GLIS1: variants seen among roughly 807,000 people sequenced by gnomAD.
The protein encoded by GLIS1 is zinc finger protein GLIS1.
GLIS1 carries 24 observed loss-of-function variants against 63.8 expected under a neutral mutation model. That is an observed-to-expected ratio of 0.38 (90% CI 0.27 to 0.53). The LOEUF is 0.53. GLIS1 is among the 20% of genes least tolerant of loss of function. The pLI is 0.85. For missense variants in GLIS1, 1,036 were observed against 1,074.1 expected (o/e 0.96, Z 0.50); for synonymous variants, 450 against 482.5 (o/e 0.93, Z 0.88).
intron 2 of GLIS1, among the ~76,000 whole-genome samples, chr1:53,672,308 C>T (rs923183558): frequency 4.6e-5 from 7 of 152,306 alleles, no homozygotes; most frequent in African/African-American, 1.7e-4. Context: ...CAAGTCAGTC[C>T]ACCTCCACAA....
intron 2 of GLIS1, among the ~76,000 whole-genome samples, chr1:53,640,479 G>A (rs1031672089): frequency 1.3e-5 from 2 of 152,156 alleles, no homozygotes; most frequent in African/African-American, 2.4e-5. Flanking sequence ...ACAGCTGGGG[G>A]CTGGACAGTT....
intron 2 of GLIS1, among the ~76,000 whole-genome samples, chr1:53,691,080 G>C (rs745925000): frequency 9.9e-5 from 15 of 152,266 alleles, no homozygotes; most frequent in South Asian, 6.2e-4. Flanking sequence ...GAGAGACCAG[G>C]CGCCGTGGCT....
At position 53,522,986 on chromosome 1, in the gene GLIS1, C is replaced by CTTTTTCTTTTTTTTTT. The variant is rs760283252; in HGVS notation, c.1593+1790_1593+1791insAAAAAAAAAAGAAAAA. Reference sequence around the variant, plus strand: ...AGTTTCTTTTTCTTTTCTTTTCTTTCTTTTTTTTTTTTTTTTTTTGAGACA... The same window carrying CTTTTTCTTTTTTTTTT: ...AGTTTCTTTTTCTTTTCTTTTCTTTCTTTTTCTTTTTTTTTTTTTTTTTTTTTTTTTTTTTGAGACA... On this transcript the variant is annotated intron_variant, in intron 6 of 10. Transcript: ENST00000628545. 3.4e-4 allele frequency among the ~76,000 whole-genome samples: 15 copies of CTTTTTCTTTTTTTTTT among 43,690 alleles called. 1 individual carries two copies. Among genetic ancestry groups the CTTTTTCTTTTTTTTTT allele is most frequent in the African/African-American group, 6.6e-4 (15 of 22,668 alleles). 28.7% of individuals were successfully genotyped at this position (43,690 alleles called of 152,430 possible).
chr1:53,549,047 T>C lies in GLIS1; in HGVS notation c.1321-19095A>G, dbSNP rs182029860. On this transcript the variant is annotated intron_variant, in intron 4 of 10. Transcript: ENST00000628545. Reference sequence around the variant, plus strand: ...GTTGAATCATGCAATCTGTGGTCTTTAGTGACTGGCTTCTTTCACTAGCGT... The same window carrying C: ...GTTGAATCATGCAATCTGTGGTCTTCAGTGACTGGCTTCTTTCACTAGCGT... 3.9e-5 allele frequency among the ~76,000 whole-genome samples: 6 copies of C among 152,396 alleles called. No homozygotes were observed. The East Asian group carries it at 7.7e-4, about 20-fold the overall frequency.
intron 4 of GLIS1, among the ~76,000 whole-genome samples, chr1:53,538,484 T>C (rs926923447): frequency 6.6e-6 from 1 of 152,132 alleles, no homozygotes; most frequent in Non-Finnish European, 1.5e-5. Flanking sequence ...CGCTCACTCA[T>C]GGGATGGAGC....
intron 4 of GLIS1, among the ~76,000 whole-genome samples, chr1:53,561,634 G>C (rs1045466503): frequency 6.6e-6 from 1 of 152,214 alleles, no homozygotes; most frequent in Non-Finnish European, 1.5e-5. Context: ...AAAATCCAGA[G>C]CACTGGCCTG....
At chr1:53,729,512 T>C (rs189785465) in intron 2 of GLIS1, among the ~76,000 whole-genome samples, 1 of 117,914 alleles carries the variant, frequency 8.5e-6, no homozygotes, top group African/African-American at 3.2e-5. Flanking sequence ...CCAAAAAGCA[T>C]TGTTAAAACA....
intron 2 of GLIS1, among the ~76,000 whole-genome samples, chr1:53,698,477 C>T (rs1646489555): frequency 1.3e-5 from 2 of 152,258 alleles, no homozygotes; most frequent in Admixed American, 6.5e-5. Context: ...GGAAGACTGG[C>T]TGCCCTGCCT....
intron 4 of GLIS1, among the ~76,000 whole-genome samples, chr1:53,571,227 A>T (rs1644980651): frequency 6.6e-6 from 1 of 152,258 alleles, no homozygotes; most frequent in Non-Finnish European, 1.5e-5. Flanking sequence ...CACACCTGCC[A>T]AACTGGCATA....
chr1:53,561,362 C>T (rs4548383), intron 4 of GLIS1, among the ~76,000 whole-genome samples: 37,991 of 152,112 alleles, frequency 0.25, 5,725 homozygotes, highest in African/African-American at 0.42. Context: ...TCCTGGAAGG[C>T]GCTGGGTTTC....
At position 53,556,630 on chromosome 1, in the gene GLIS1, T is replaced by TGTGTGCAGGTGTACTGCAGGTATG. The variant is rs1557449000; in HGVS notation, c.1321-26679_1321-26678insCATACCTGCAGTACACCTGCACAC. On this transcript the variant is annotated intron_variant, in intron 4 of 10. Coordinates refer to ENST00000628545, the MANE Select transcript of GLIS1 (RefSeq NM_001367484.1). ...GTGCAGGTGTACTGCAGGTATGTGTTTGTGTATGCAGGTGTACTGTAGGTA... is the reference window on the plus strand; with the variant it reads ...GTGCAGGTGTACTGCAGGTATGTGTTGTGTGCAGGTGTACTGCAGGTATGTGTGTATGCAGGTGTACTGTAGGTA... Among the ~76,000 whole-genome samples, 161 of 38,462 alleles carry TGTGTGCAGGTGTACTGCAGGTATG rather than the reference T, an allele frequency of 4.2e-3. 1 individual carries two copies. The highest frequency in any genetic ancestry group is 0.027 in the African/African-American group (147 of 5,352). The allele number at this position is 38,462 out of a possible 152,430, so 25.2% of individuals were successfully genotyped here. A position where few individuals can be genotyped will look rare whatever the true frequency, so the allele number is the denominator to read the frequency against.
At chr1:53,638,218 C>T (rs564698419) in intron 2 of GLIS1, among the ~76,000 whole-genome samples, 30 of 152,158 alleles carry the variant, frequency 2.0e-4, no homozygotes, top group Admixed American at 6.5e-4. Context: ...GAAGGCACCT[C>T]GGGGAAAGGG....
intron 2 of GLIS1, among the ~76,000 whole-genome samples, chr1:53,671,871 C>G (rs1018361152): frequency 6.6e-6 from 1 of 151,418 alleles, no homozygotes; most frequent in Admixed American, 6.6e-5. Flanking sequence ...GATTCAAACC[C>G]AGATCTACCC....
intron 2 of GLIS1, 75 bp downstream of exon 2, chr1:53,737,731 G>C (rs1239038148): frequency 4.9e-6 from 6 of 1,217,184 alleles, no homozygotes; most frequent in Non-Finnish European, 5.1e-6. Context: ...AAGCTCTCCC[G>C]AGCACGCGGT....
At position 53,514,837 on chromosome 1, in the gene GLIS1, T is replaced by C. The variant is rs1569724325; in HGVS notation, c.1727-56A>G. On this transcript the variant is annotated intron_variant, in intron 7 of 10. Coordinates refer to ENST00000628545, the MANE Select transcript of GLIS1 (RefSeq NM_001367484.1). ...TCTGGCCACTCCCTAGAGATGGTTG[T>C]GATGGCCCAGGAGCTGTGTGTGCCT... 7.3e-6 allele frequency: 11 copies of C among 1,498,182 alleles called. No homozygotes were observed. In the East Asian group the frequency reaches 2.7e-4, roughly 36 times the overall value. 92.8% of individuals were successfully genotyped at this position (1,498,182 alleles called of 1,614,324 possible). A position where few individuals can be genotyped will look rare whatever the true frequency, so the allele number is the denominator to read the frequency against.
chr1:53,643,339 G>C (rs1401159390), intron 2 of GLIS1, among the ~76,000 whole-genome samples: 2 of 152,230 alleles, frequency 1.3e-5, no homozygotes, highest in African/African-American at 4.8e-5. Context: ...ACTTTGGTTG[G>C]GGGCAGTAGT....
intron 4 of GLIS1, among the ~76,000 whole-genome samples, chr1:53,569,331 T>C (rs1217567819): frequency 6.6e-6 from 1 of 152,198 alleles, no homozygotes; most frequent in Non-Finnish European, 1.5e-5. Context: ...TGTAGGTTCG[T>C]TGATCGTAAC....
At position 53,594,096 on chromosome 1, in the gene GLIS1, G is replaced by C. The variant is rs897287635; in HGVS notation, c.1320+12C>G. 6.3e-7 allele frequency: 1 copy of C among 1,596,618 alleles called. No homozygotes were observed. The highest frequency in any genetic ancestry group is 1.1e-5 in the South Asian group (1 of 89,048). On this transcript the variant is annotated intron_variant, in intron 4 of 10. Coordinates refer to ENST00000628545, the MANE Select transcript of GLIS1 (RefSeq NM_001367484.1). The stretch of plus-strand genomic sequence containing the variant: ...GGGCTGGGGTGAGGCCTGGCGGCCG[G>C]TGGGAACTCACCATGCACTTGTTGG...
chr1:53,556,390 G>GTA (rs1491577670), intron 4 of GLIS1, among the ~76,000 whole-genome samples: 8 of 142,938 alleles, frequency 5.6e-5, no homozygotes, highest in African/African-American at 1.6e-4. Flanking sequence ...TGTACTGCAG[G>GTA]TGTGTGTGTG....
Sources: allele counts gnomAD v4.1 joint callset (sites outside exome capture counted in the v4.1 genomes callset), GRCh38; gene constraint gnomAD v4.1.1; transcripts MANE v1.5; gene names NCBI Gene and HGNC (gene_info 2026-07-23, HGNC 2026-07-21).